The following RMDN3 variants were observed in gnomAD, a reference collection of about 807,000 sequenced individuals.
RMDN3 encodes the protein regulator of microtubule dynamics 3.
In RMDN3, 41 loss-of-function variants were observed where a neutral mutation model predicts 61.8. The ratio of observed to expected loss-of-function variants is 0.66; its 90% CI spans 0.52 to 0.86. The LOEUF (loss-of-function observed/expected upper bound fraction) is 0.86. Ranked by LOEUF, RMDN3 falls within the 40% of genes least tolerant of loss-of-function variation. The pLI is 0.00. For synonymous variants in RMDN3, 247 were observed against 232.0 expected (o/e 1.06, Z -0.59); for missense variants, 557 against 585.3 (o/e 0.95, Z 0.50).
Position 40,737,623 on chromosome 15 carries a change from C to CA in RMDN3, c.1224+4dup, listed in dbSNP as rs1897109764. The CA allele has an allele frequency of 6.2e-7, 1 of 1,612,530 alleles. No individual in the cohort carries two copies. Among genetic ancestry groups the CA allele is most frequent in the Middle Eastern group, 1.7e-4 (1 of 6,060 alleles). On this transcript the variant is annotated splice_donor_region_variant and intron_variant, in intron 10 of 12. Transcript: ENST00000338376. ...GTTTTTGCCTGCCACCTGCCCCTCT[C>CA]ATACCTTTAGGAAGCTCTGGAGGGC...
In RMDN3 at chr15:40,746,241, G is replaced by T. The variant is rs11631563; in HGVS notation, c.525-982C>A. 2.7e-3 allele frequency among the ~76,000 whole-genome samples: 404 copies of T among 152,068 alleles called. 2 individuals carry two copies. Among genetic ancestry groups the T allele is most frequent in the Non-Finnish European group, 3.7e-3 (251 of 67,936 alleles). On this transcript the variant is annotated intron_variant, in intron 4 of 12. Coordinates refer to ENST00000338376, the MANE Select transcript of RMDN3 (RefSeq NM_018145.3). ...GGTCAGAAGCAAACACAAGGCTGGG[G>T]GCGGTGGCTCACGCCTGTAATCCCA...
intron 4 of RMDN3, among the ~76,000 whole-genome samples, chr15:40,750,416 C>T (rs1045178231): frequency 6.6e-6 from 1 of 151,708 alleles, no homozygotes; most frequent in African/African-American, 2.4e-5. Flanking sequence ...GACAGGGTTT[C>T]GACATGTTGG....
intron 6 of RMDN3, among the ~76,000 whole-genome samples, chr15:40,740,474 C>T (rs2141904268): frequency 6.6e-6 from 1 of 152,244 alleles, no homozygotes; most frequent in Admixed American, 6.5e-5. Context: ...AGTGAAACCC[C>T]ATCTCTACCA....
At chr15:40,744,370 C>T (rs563514497) in intron 5 of RMDN3, 33 of 504,804 alleles carry the variant, frequency 6.5e-5, no homozygotes, top group South Asian at 3.4e-4. Context: ...TGCACAATTA[C>T]GGGGTGAGGG....
intron 4 of RMDN3, 133 bp from the exon 5 acceptor site, chr15:40,745,392 C>A: frequency 4.0e-6 from 3 of 745,652 alleles, no homozygotes; most frequent in African/African-American, 1.8e-5. Context: ...ATTCATACCT[C>A]TTAAGGGCAG....
intron 7 of RMDN3, 193 bp from the exon 8 acceptor site, chr15:40,738,769 GAT>G: frequency 1.7e-6 from 1 of 605,496 alleles, no homozygotes; most frequent in East Asian, 2.8e-5. Context: ...TTCTTTAGTA[GAT>G]AATGGTAGGC....
chr15:40,753,282 C>T (rs1399949711), intron 2 of RMDN3, among the ~76,000 whole-genome samples: 2 of 152,182 alleles, frequency 1.3e-5, no homozygotes, highest in South Asian at 4.1e-4. Flanking sequence ...GTAATCCCAG[C>T]ACTTTAGGAG....
chr15:40,744,019 C>A, intron 6 of RMDN3, 28 bp downstream of exon 6: 3 of 1,585,726 alleles, frequency 1.9e-6, no homozygotes, highest in Non-Finnish European at 2.6e-6. Flanking sequence ...AGTCAGTCAC[C>A]TTCCCACAGG....
chr15:40,743,006 G>C (rs1310162482), intron 6 of RMDN3, among the ~76,000 whole-genome samples: 1 of 152,160 alleles, frequency 6.6e-6, no homozygotes, highest in Non-Finnish European at 1.5e-5. Context: ...TTTCTCCATT[G>C]ACAGAATTCT....
At chr15:40,746,132 A>T (rs1219080410) in intron 4 of RMDN3, among the ~76,000 whole-genome samples, 1 of 152,190 alleles carries the variant, frequency 6.6e-6, no homozygotes, top group Admixed American at 6.5e-5. Context: ...CTTGGATCTC[A>T]GCCACCAGCA....
intron 5 of RMDN3, among the ~76,000 whole-genome samples, chr15:40,744,503 G>C (rs185533102): frequency 4.9e-4 from 74 of 151,632 alleles, no homozygotes; most frequent in East Asian, 3.3e-3. Context: ...TAACTTCTGG[G>C]GGGGGGGCAT....
In RMDN3 at chr15:40,745,153, C is replaced by G; in HGVS notation, c.631G>C (p.Asp211His). 6.2e-7 allele frequency: 1 copy of G among 1,614,192 alleles called. No homozygotes were observed. Among genetic ancestry groups the G allele is most frequent in the Middle Eastern group, 1.6e-4 (1 of 6,062 alleles). ...GCCTCTTCCTCCAAGTCAAGAGAAT[C>G]CTTTCTCCCCATCTTCACAGTCTCA... Reference protein sequence around the residue: ...SCETVKMGRKDSLDLEEEAAS... With the variant: ...SCETVKMGRKHSLDLEEEAAS... The change falls in exon 5 of 13, where the codon GAT (aspartate) becomes CAT (histidine). Residue 211 changes from aspartate to histidine, a missense_variant. Transcript: ENST00000338376.
chr15:40,751,581 G>GC lies in RMDN3; in HGVS notation c.381-13dup. The GC allele has an allele frequency of 6.2e-7, 1 of 1,614,070 alleles. No individual in the cohort carries two copies. The highest frequency in any genetic ancestry group is 8.5e-7 in the Non-Finnish European group (1 of 1,180,030). On this transcript the variant is annotated splice_polypyrimidine_tract_variant and intron_variant, in intron 3 of 12. Coordinates refer to ENST00000338376, the MANE Select transcript of RMDN3 (RefSeq NM_018145.3). ...CTTCCATGTGGCATCTGGAAAGCAG[G>GC]CCCCATCCCGAAGGGTACCATTAGG...
At chr15:40,738,685 A>G in intron 7 of RMDN3, 109 bp from the exon 8 acceptor site, 2 of 1,023,650 alleles carry the variant, frequency 2.0e-6, no homozygotes, top group Admixed American at 1.9e-5. Flanking sequence ...TGTACCCTCA[A>G]CTAGAGCTGA....
intron 2 of RMDN3, among the ~76,000 whole-genome samples, chr15:40,753,296 G>A (rs1401469758): frequency 6.6e-6 from 1 of 152,132 alleles, no homozygotes; most frequent in Non-Finnish European, 1.5e-5. Flanking sequence ...TTAGGAGGCC[G>A]AGGCCAGGAG....
Position 40,752,183 on chromosome 15 carries a change from A to AG in RMDN3, c.188-6dup, listed in dbSNP as rs770930735. ...GGACAGCCCGCAGGAGCATCACTGAAGGGGGAAACGAATGGGAGCCAGTGA... is the reference window on the plus strand; with the variant it reads ...GGACAGCCCGCAGGAGCATCACTGAAGGGGGGAAACGAATGGGAGCCAGTGA... On this transcript the variant is annotated splice_region_variant and splice_polypyrimidine_tract_variant and intron_variant, in intron 2 of 12. Transcript: ENST00000338376. The AG allele has an allele frequency of 5.6e-6, 9 of 1,610,166 alleles. No homozygotes were observed. In the African/African-American group the frequency reaches 9.4e-5, roughly 17 times the overall value.
At chr15:40,748,406 C>T (rs759282073) in intron 4 of RMDN3, among the ~76,000 whole-genome samples, 25 of 152,190 alleles carry the variant, frequency 1.6e-4, no homozygotes, top group African/African-American at 5.3e-4. Flanking sequence ...TCTCATGCCA[C>T]GGGACTGGGC....
chr15:40,752,215 G>A, intron 2 of RMDN3, 37 bp from the exon 3 acceptor site: 1 of 1,590,138 alleles, frequency 6.3e-7, no homozygotes, highest in Non-Finnish European at 8.6e-7. Context: ...GTGACACACA[G>A]GAATATGGTG....
Position 40,736,327 on chromosome 15 carries a change from A to G in RMDN3, c.*214T>C, listed in dbSNP as rs1249881622. 2 of 518,740 alleles carry G rather than the reference A, an allele frequency of 3.9e-6. No individual in the cohort carries two copies. Among genetic ancestry groups the G allele is most frequent in the East Asian group, 6.4e-5 (2 of 31,286 alleles). 32.1% of individuals were successfully genotyped at this position (518,740 alleles called of 1,614,324 possible). On this transcript the variant is annotated 3_prime_UTR_variant, in exon 13 of 13. Coordinates refer to ENST00000338376, the MANE Select transcript of RMDN3 (RefSeq NM_018145.3). ...TTTTAAGAGATTACTCAAGGGAGAG[A>G]ACAACAGAAACGGAAGCCATGAGTA...
Sources: gnomAD v4.1 joint callset for allele counts (sites outside exome capture counted in the v4.1 genomes callset) on GRCh38, gnomAD v4.1.1 for gene constraint, MANE v1.5 for transcripts, NCBI Gene and HGNC (gene_info 2026-07-23, HGNC 2026-07-21) for gene names.